ABCC8: variants seen among roughly 807,000 people sequenced by gnomAD.
ABCC8 encodes ATP-binding cassette sub-family C member 8.
A neutral mutation model predicts 188.0 loss-of-function variants in ABCC8; 137 were observed. The observed-to-expected ratio is 0.73, with a 90% confidence interval of 0.63 to 0.84. ABCC8 has a LOEUF of 0.84. ABCC8 is among the 40% of genes least tolerant of loss of function. The probability of loss-of-function intolerance (pLI) is 0.00; values close to 1 mark genes in which losing one functional copy is unlikely to be tolerated. For synonymous variants in ABCC8, 797 were observed against 846.5 expected, an observed-to-expected ratio of 0.94 and a Z score of 1.01; for missense variants, 1,750 against 2,072.7, an observed-to-expected ratio of 0.84 and a Z score of 3.02.
chr11:17,432,087 C>T, intron 11 of ABCC8, 117 bp downstream of exon 11: 1 of 1,350,780 alleles, frequency 7.4e-7, no homozygotes, highest in Non-Finnish European at 1.0e-6. Flanking sequence ...TTCAGTCTGG[C>T]TGTGGAGCCT....
chr11:17,428,006 T>C, intron 14 of ABCC8, 64 bp from the exon 15 acceptor site: 3 of 1,592,586 alleles, frequency 1.9e-6, no homozygotes, highest in Non-Finnish European at 1.7e-6. Context: ...CAGTGAATAG[T>C]CTCTGGCTTC....
In ABCC8 at chr11:17,416,951, C is replaced by G; in HGVS notation, c.2234G>C (p.Ser745Thr). 1.2e-6 allele frequency: 2 copies of G among 1,614,076 alleles called. No individual in the cohort carries two copies. The highest frequency in any genetic ancestry group is 8.5e-7 in the Non-Finnish European group (1 of 1,180,024). ...GTACCTGGGGTCCTCTCCTATCTCG[C>G]TGTCAGGAAGGCTGCTGGGACACAA... ...GAVFWSSLPDSEIGEDPSPER... is the reference protein window; with the variant it reads ...GAVFWSSLPDTEIGEDPSPER... Residue 745 changes from serine to threonine, a missense_variant, in exon 17 of 39, where the codon AGC becomes ACC. Ser to Thr is a moderately conservative substitution (Grantham distance 58). Transcript: ENST00000389817.
Position 17,427,120 on chromosome 11 carries a change from G to T in ABCC8, c.2151C>A (p.Cys717Ter), listed in dbSNP as rs776027296. 6.2e-7 allele frequency: 1 copy of T among 1,613,556 alleles called. No individual in the cohort carries two copies. The highest frequency in any genetic ancestry group is 1.7e-5 in the Admixed American group (1 of 59,972). ...QLTMIVGQVGCGKSSLLLAAL... is the reference protein window; with the variant it reads ...QLTMIVGQVG ...CGGCTAGAAGGAGCGAGGACTTGCC[G>T]CAGCCCACCTGCCCCACGATCATAG... Residue 717 changes from cysteine (C) to a stop codon, truncating the protein, a stop_gained, in exon 16 of 39, where the codon TGC becomes TGA. Coordinates refer to ENST00000389817, the MANE Select transcript of ABCC8 (RefSeq NM_000352.6). LOFTEE classifies it high-confidence loss of function. This position sits in a 1 kb window ranked among gnomAD's most constrained non-coding sequence, Gnocchi z 5.0.
rs1221537988 is a variant in ABCC8 at position 17,392,902 on chromosome 11, T to C, written c.*89A>G. ...GCCTCTAGTAGGAAATAATCAAATC[T>C]ATTTATTTACAAGTGATTTACAGTT... On this transcript the variant is annotated 3_prime_UTR_variant, in exon 39 of 39. Coordinates refer to ENST00000389817, the MANE Select transcript of ABCC8 (RefSeq NM_000352.6). 3.4e-6 allele frequency: 5 copies of C among 1,474,472 alleles called. No homozygotes were observed. In the Admixed American group the frequency reaches 5.0e-5, roughly 15 times the overall value. 91.3% of individuals were successfully genotyped at this position (1,474,472 alleles called of 1,614,324 possible).
chr11:17,451,233 C>T (rs1333239043), intron 7 of ABCC8, among the ~76,000 whole-genome samples: 1 of 152,186 alleles, frequency 6.6e-6, no homozygotes, highest in East Asian at 1.9e-4. Context: ...TGCAAGTCTG[C>T]CTGTCACTGG....
chr11:17,443,736 A>G (rs1956415820), intron 8 of ABCC8, among the ~76,000 whole-genome samples: 1 of 152,222 alleles, frequency 6.6e-6, no homozygotes, highest in Non-Finnish European at 1.5e-5. Flanking sequence ...TACTGCACCC[A>G]TGCCAGAAAA....
chr11:17,408,537 C>A lies in ABCC8; in HGVS notation c.2695-20G>T. 1 of 1,604,692 alleles carries A rather than the reference C, an allele frequency of 6.2e-7. No individual in the cohort carries two copies. Among genetic ancestry groups the A allele is most frequent in the East Asian group, 2.2e-5 (1 of 44,760 alleles). On this transcript the variant is annotated intron_variant, in intron 22 of 38. Transcript: ENST00000389817. ...AATGATCTGGAAAGGCAGCAACAAA[C>A]GTGGTTTGGGGGCTGGCTGGGGAGG...
intron 14 of ABCC8, 167 bp downstream of exon 14, chr11:17,428,122 G>A: frequency 4.5e-6 from 7 of 1,563,712 alleles, no homozygotes; most frequent in Non-Finnish European, 5.2e-6. Context: ...CCTAAGGCTG[G>A]GGGTCCCCCC....
chr11:17,441,428 T>A (rs918967280), intron 10 of ABCC8, among the ~76,000 whole-genome samples: 4 of 152,228 alleles, frequency 2.6e-5, no homozygotes, highest in Non-Finnish European at 5.9e-5. Context: ...TCCCCACTCA[T>A]CTGTCTTCTA....
chr11:17,463,576 G>A lies in ABCC8; in HGVS notation c.441C>T (p.Phe147=), dbSNP rs1847961858. ...IALLVYWTLA[F]ITKTIKFVKF... Reference sequence around the variant, plus strand: ...TGACAAACTTGATGGTCTTGGTGATGAAGGCCAGGGTCCAATACACCAGCA... The same window carrying A: ...TGACAAACTTGATGGTCTTGGTGATAAAGGCCAGGGTCCAATACACCAGCA... Residue 147 remains phenylalanine, a synonymous_variant, in exon 4 of 39, where the codon TTC becomes TTT. Transcript: ENST00000389817. The A allele has an allele frequency of 1.3e-6, 2 of 1,588,658 alleles. No individual in the cohort carries two copies. The highest frequency in any genetic ancestry group is 1.7e-6 in the Non-Finnish European group (2 of 1,167,226).
intron 7 of ABCC8, among the ~76,000 whole-genome samples, chr11:17,450,271 T>G (rs1294114407): frequency 8.4e-6 from 1 of 119,684 alleles, no homozygotes; most frequent in African/African-American, 3.6e-5. Flanking sequence ...TCTTTCTTTC[T>G]TTCTTTCTTT....
intron 4 of ABCC8, among the ~76,000 whole-genome samples, chr11:17,462,813 C>T (rs1847907034): frequency 6.6e-6 from 1 of 152,084 alleles, no homozygotes; most frequent in Non-Finnish European, 1.5e-5. Flanking sequence ...ATAATATGAT[C>T]CCATTCTTAC....
Position 17,432,253 on chromosome 11 carries a change from G to GAAGCACAGGGAGGCGTTTAA in ABCC8, c.1631-10_1631-9insTTAAACGCCTCCCTGTGCTT, listed in dbSNP as rs1338109043. ...GGCCGTGTTCATGAAAACTGCAGAG[G>GAAGCACAGGGAGGCGTTTAA]AAGCACAGGGAGGCGTTTAGTGGGA... On this transcript the variant is annotated splice_polypyrimidine_tract_variant and intron_variant, in intron 10 of 38. Coordinates refer to ENST00000389817, the MANE Select transcript of ABCC8 (RefSeq NM_000352.6). The GAAGCACAGGGAGGCGTTTAA allele has an allele frequency of 3.9e-6, 6 of 1,551,966 alleles. No individual in the cohort carries two copies. The African/African-American group carries it at 8.2e-5, about 21-fold the overall frequency.
intron 3 of ABCC8, among the ~76,000 whole-genome samples, chr11:17,469,425 C>G (rs1474613686): frequency 1.3e-5 from 2 of 152,006 alleles, no homozygotes; most frequent in Non-Finnish European, 2.9e-5. Context: ...ATCTACAAGG[C>G]CCACCTCCTG....
At position 17,413,389 on chromosome 11, in the gene ABCC8, C is replaced by A. The variant is rs778765864; in HGVS notation, c.2475+5G>T. 6.2e-7 allele frequency: 1 copy of A among 1,614,090 alleles called. No homozygotes were observed. Among genetic ancestry groups the A allele is most frequent in the African/African-American group, 1.3e-5 (1 of 74,942 alleles). The stretch of plus-strand genomic sequence containing the variant: ...TGAAAAAACCCCTCAGAGGCTGCTA[C>A]TAACCCGTTCCCCAATCTGGGTCTG... On this transcript the variant is annotated splice_donor_5th_base_variant and intron_variant, in intron 20 of 38. Transcript: ENST00000389817.
intron 19 of ABCC8, 168 bp from the exon 20 acceptor site, chr11:17,413,646 G>A: frequency 2.9e-6 from 4 of 1,393,538 alleles, no homozygotes; most frequent in Non-Finnish European, 3.9e-6. Context: ...GAAAAGAGCT[G>A]AGGTCAGCAC....
chr11:17,436,275 G>A, intron 10 of ABCC8: 1 of 430,574 alleles, frequency 2.3e-6, no homozygotes, highest in Non-Finnish European at 4.3e-6. Context: ...GGATGTGGCT[G>A]GACCTGGGAA....
rs1238068247 is a variant in ABCC8, at chr11:17,393,104, C to T, written c.4633G>A (p.Ala1545Thr). Residue 1545 changes from alanine (A) to threonine (T), a missense_variant, in exon 39 of 39, where the codon GCA becomes ACA. Coordinates refer to ENST00000389817, the MANE Select transcript of ABCC8 (RefSeq NM_000352.6). ...IAHRVHTILS[A>T]DLVIVLKRGA... ...CGCTTCAGGACGATCACCAGGTCTG[C>T]ACTCAGGATGGTGTGCACTCGATGC... The T allele has an allele frequency of 1.9e-6, 3 of 1,613,736 alleles. No individual in the cohort carries two copies. In the South Asian group the frequency reaches 3.3e-5, roughly 18 times the overall value.
intron 6 of ABCC8, among the ~76,000 whole-genome samples, chr11:17,453,638 G>A (rs1457770774): frequency 6.6e-6 from 1 of 152,156 alleles, no homozygotes; most frequent in Non-Finnish European, 1.5e-5. Context: ...ACCTGAACTG[G>A]TACAACAAGT....
Sources: allele counts gnomAD v4.1 joint callset (sites outside exome capture counted in the v4.1 genomes callset), GRCh38; gene constraint gnomAD v4.1.1; non-coding constraint Gnocchi (gnomAD v3.1); transcripts MANE v1.5; gene names NCBI Gene and HGNC (gene_info 2026-07-23, HGNC 2026-07-21).